Variants in FN1 observed in about 807,000 individuals in gnomAD.
FN1 encodes the protein fibronectin 1, also known as fibronectin.
A neutral mutation model predicts 297.3 loss-of-function variants in FN1; 106 were observed. The ratio of observed to expected loss-of-function variants is 0.36; its 90% confidence interval spans 0.30 to 0.42. The LOEUF is 0.42. Among genes scored for constraint, FN1 ranks in the 10% least tolerant of loss-of-function variants. The pLI is 1.00. For missense variants in FN1, 2,690 were observed against 3,124.9 expected, an observed-to-expected ratio of 0.86 and a Z score of 3.32; for synonymous variants, 1,149 against 1,152.6, an observed-to-expected ratio of 1.00 and a Z score of 0.06.
rs1250241 is a variant in FN1 at position 215,430,589 on chromosome 2, T to A, written c.685+126A>T. 0.74 allele frequency: 825,505 copies of A among 1,109,450 alleles called. 310,348 individuals are homozygous for A. Among genetic ancestry groups the A allele is most frequent in the East Asian group, 0.94 (36,090 of 38,468 alleles). 68.7% of individuals were successfully genotyped at this position (1,109,450 alleles called of 1,614,324 possible). ...AGTTGGTTATGAAAGTTTTCTTGAC[T>A]TCCAGAAGTTACCAAAGCATGCTGA... On this transcript the variant is annotated intron_variant, in intron 5 of 45. Transcript: ENST00000354785.
At chr2:215,389,744 C>T (rs1263053407) in intron 26 of FN1, among the ~76,000 whole-genome samples, 2 of 152,062 alleles carry the variant, frequency 1.3e-5, no homozygotes, top group African/African-American at 4.8e-5. Flanking sequence ...GAGCCCAGAT[C>T]GTGCCACTGC....
rs114201281 is a variant in FN1 at position 215,428,783 on chromosome 2, G to A, written c.686-445C>T. Among the ~76,000 whole-genome samples the A allele has an allele frequency of 9.7e-3, 1,484 of 152,208 alleles. 31 individuals carry two copies. The highest frequency in any genetic ancestry group is 0.034 in the African/African-American group (1,420 of 41,526). On this transcript the variant is annotated intron_variant, in intron 5 of 45. Coordinates refer to ENST00000354785, the MANE Select transcript of FN1 (RefSeq NM_212482.4). ...CCTGTAATCCTAGTACTTTAGGAGG[G>A]TGGATCACCTGCAGTCAGGAGTTCA...
chr2:215,429,231 C>T, intron 5 of FN1, among the ~76,000 whole-genome samples: 1 of 152,182 alleles, frequency 6.6e-6, no homozygotes, highest in South Asian at 2.1e-4. Flanking sequence ...TATACCCAAA[C>T]ATCTACAGTA....
In FN1 at chr2:215,393,142, C is replaced by T. The variant is rs2059902343; in HGVS notation, c.3858G>A (p.Arg1286=). 6.2e-7 allele frequency: 1 copy of T among 1,613,786 alleles called. No individual in the cohort carries two copies. The highest frequency in any genetic ancestry group is 1.3e-5 in the African/African-American group (1 of 74,828). The stretch of plus-strand genomic sequence containing the variant: ...TGGTGGAAGAGTTTAGCGGGGTCCA[C>T]CTCAGGCCGATGCTTGAATCGGTTA... ...VDITDSSIGL[R]WTPLNSSTII... Residue 1286 remains arginine, a synonymous_variant, in exon 25 of 46, where the codon AGG becomes AGA. Coordinates refer to ENST00000354785, the MANE Select transcript of FN1 (RefSeq NM_212482.4).
At chr2:215,420,000 A>C (rs1256262390) in intron 11 of FN1, among the ~76,000 whole-genome samples, 1 of 152,208 alleles carries the variant, frequency 6.6e-6, no homozygotes, top group African/African-American at 2.4e-5. Context: ...CTGGTAACAC[A>C]GCTCTTTTAA....
chr2:215,434,560 T>C (rs908587400), intron 2 of FN1, 136 bp downstream of exon 2: 103 of 1,097,804 alleles, frequency 9.4e-5, no homozygotes, highest in Non-Finnish European at 1.3e-4. Context: ...ATATAAGCAG[T>C]TTTTAAACTT....
At chr2:215,430,347 C>A (rs1187255606) in intron 5 of FN1, among the ~76,000 whole-genome samples, 1 of 152,152 alleles carries the variant, frequency 6.6e-6, no homozygotes, top group Non-Finnish European at 1.5e-5. Flanking sequence ...GAGACACTAT[C>A]CCTAACTCCA....
chr2:215,372,173 C>T lies in FN1; in HGVS notation c.6450G>A (p.Arg2150=). 6.2e-7 allele frequency: 1 copy of T among 1,614,184 alleles called. No individual in the cohort carries two copies. Among genetic ancestry groups the T allele is most frequent in the Non-Finnish European group, 8.5e-7 (1 of 1,180,038 alleles). Residue 2150 remains arginine (R), a synonymous_variant, in exon 40 of 46, where the codon CGG becomes CGA. Transcript: ENST00000354785. ...GGGTGGCCGTTGTGGGCGGTGTGGT[C>T]CGCCTAAAACCATGTTCCTCAAAGA... The part of the protein sequence containing the change: ...QMIFEEHGFR[R]TTPPTTATPI...
intron 15 of FN1, among the ~76,000 whole-genome samples, chr2:215,409,293 G>A (rs896600862): frequency 6.6e-6 from 1 of 152,144 alleles, no homozygotes; most frequent in Non-Finnish European, 1.5e-5. Context: ...CAAGAACACA[G>A]CTTTTGCTGT....
intron 2 of FN1, among the ~76,000 whole-genome samples, chr2:215,433,861 G>T (rs916661442): frequency 6.6e-6 from 1 of 152,224 alleles, no homozygotes; most frequent in African/African-American, 2.4e-5. Flanking sequence ...CAGCACTTTG[G>T]GAGGCTGAGG....
chr2:215,381,606 TG>T, intron 32 of FN1: 1 of 207,098 alleles, frequency 4.8e-6, no homozygotes, highest in Non-Finnish European at 9.8e-6. Context: ...CCTGAGTAGC[TG>T]GGATTACAGG....
rs200731330 is a variant in FN1 at position 215,425,268 on chromosome 2, C to A, written c.862G>T (p.Asp288Tyr). ...GGTTGGTAAACAGCTGCACGAACAT[C>A]GGTGAAGGGGCCAGATCCTAATGGC... is the stretch of plus-strand genomic sequence containing the variant. ...TTSSGSGPFT[D>Y]VRAAVYQPQP... The change falls in exon 7 of 46, where the codon GAT becomes TAT. Residue 288 changes from aspartate (D) to tyrosine (Y), a missense_variant. Physicochemically the swap from Asp to Tyr is radical, Grantham distance 160. Around this residue, in one of 3 missense-constraint regions of FN1, gnomAD observed 876 missense variants for 1,058.1 expected, o/e 0.83. Coordinates refer to ENST00000354785, the MANE Select transcript of FN1 (RefSeq NM_212482.4). The A allele has an allele frequency of 3.7e-6, 6 of 1,614,002 alleles. No individual in the cohort carries two copies. In the Admixed American group the frequency reaches 8.3e-5, roughly 22 times the overall value.
At chr2:215,432,839 G>T (rs1396290674) in intron 3 of FN1, among the ~76,000 whole-genome samples, 3 of 152,048 alleles carry the variant, frequency 2.0e-5, no homozygotes, top group Non-Finnish European at 2.9e-5. Context: ...ATAACCTACT[G>T]GTCACCAAGA....
chr2:215,417,099 C>T (rs767715732), intron 12 of FN1, among the ~76,000 whole-genome samples: 3 of 152,144 alleles, frequency 2.0e-5, no homozygotes, highest in African/African-American at 4.8e-5. Context: ...TACTATGTAT[C>T]CTTTAAAGAC....
chr2:215,401,259 A>AAAGGAAGGAAGG (rs1553629757), intron 20 of FN1, among the ~76,000 whole-genome samples: 17 of 81,798 alleles, frequency 2.1e-4, no homozygotes, highest in East Asian at 3.1e-4. Context: ...AGGAAGAAAG[A>AAAGGAAGGAAGG]AAGGAAGGAA....
In FN1 at chr2:215,407,305, A is replaced by G. The variant is rs753408362; in HGVS notation, c.2535T>C (p.Tyr845=). 3 of 1,614,150 alleles carry G rather than the reference A, an allele frequency of 1.9e-6. No individual in the cohort carries two copies. In the South Asian group the frequency reaches 3.3e-5, roughly 18 times the overall value. ...QAPITGYRIV[Y]SPSVEGSSTE... is the part of the protein sequence containing the mutation. ...TGCTGCTACCTTCTACTGATGGCGA[A>G]TAGACTATTCTGTACCCTGCAGATT... The change falls in exon 18 of 46, where the codon TAT becomes TAC. Residue 845 remains tyrosine (Y), a synonymous_variant. Coordinates refer to ENST00000354785, the MANE Select transcript of FN1 (RefSeq NM_212482.4).
At chr2:215,376,165 T>G (rs1376390304) in intron 36 of FN1, among the ~76,000 whole-genome samples, 1 of 152,252 alleles carries the variant, frequency 6.6e-6, no homozygotes, top group Non-Finnish European at 1.5e-5. Flanking sequence ...TTAACTATGC[T>G]TTTTAATGCT....
intron 13 of FN1, among the ~76,000 whole-genome samples, chr2:215,412,463 G>T (rs994513510): frequency 1.3e-5 from 2 of 152,050 alleles, no homozygotes; most frequent in African/African-American, 4.8e-5. Flanking sequence ...TTGACACAGG[G>T]TCTTTCTCTG....
intron 12 of FN1, among the ~76,000 whole-genome samples, chr2:215,415,340 G>A (rs1024572656): frequency 2.0e-5 from 3 of 152,072 alleles, no homozygotes; most frequent in African/African-American, 7.2e-5. Context: ...ATTGTATTGA[G>A]CCTCTTTTAA....
Sources: allele counts gnomAD v4.1 joint callset (sites outside exome capture counted in the v4.1 genomes callset), GRCh38; gene constraint gnomAD v4.1.1; regional missense constraint gnomAD v4.1.1; transcripts MANE v1.5; gene names NCBI Gene and HGNC (gene_info 2026-07-23, HGNC 2026-07-21).